RORA: variants seen among roughly 807,000 people sequenced by gnomAD.
RORA encodes RAR related orphan receptor A.
RORA carries 7 observed loss-of-function variants against 69.5 expected under a neutral mutation model. The observed-to-expected ratio is 0.10, with a 90% CI of 0.06 to 0.19. The LOEUF is 0.19. RORA is among the 10% of genes least tolerant of loss of function. The pLI, the probability that RORA is intolerant of heterozygous loss-of-function variation, is 1.00. For synonymous variants in RORA, 261 were observed against 240.8 expected, an observed-to-expected ratio of 1.08 and a Z score of -0.78; for missense variants, 457 against 663.0, an observed-to-expected ratio of 0.69 and a Z score of 3.41.
At chr15:60,523,950 C>CA (rs1275655064) in intron 3 of RORA, among the ~76,000 whole-genome samples, 1 of 152,230 alleles carries the variant, frequency 6.6e-6, no homozygotes, top group Non-Finnish European at 1.5e-5. Context: ...GCCGGGATTA[C>CA]AGGCATGAGC....
intron 1 of RORA, among the ~76,000 whole-genome samples, chr15:61,000,777 T>C (rs1428998152): frequency 6.6e-6 from 1 of 152,132 alleles, no homozygotes; most frequent in Non-Finnish European, 1.5e-5. Context: ...CAGGTGGCCA[T>C]TTCCAGAGGG....
At chr15:60,727,335 C>T (rs914246641) in intron 1 of RORA, among the ~76,000 whole-genome samples, 2 of 152,132 alleles carry the variant, frequency 1.3e-5, no homozygotes, top group African/African-American at 4.8e-5. Context: ...CACTGAATTC[C>T]CAACATACCT....
At chr15:60,658,771 A>T (rs1188498552) in intron 2 of RORA, among the ~76,000 whole-genome samples, 2 of 152,378 alleles carry the variant, frequency 1.3e-5, no homozygotes, top group East Asian at 3.9e-4. Flanking sequence ...TTGGCCACAA[A>T]GACTAAACAG....
chr15:60,746,363 A>C (rs958422568), intron 1 of RORA, among the ~76,000 whole-genome samples: 1 of 152,080 alleles, frequency 6.6e-6, no homozygotes, highest in Admixed American at 6.5e-5. Context: ...AGCTTTTCAG[A>C]TGCTGAACAT....
chr15:61,111,732 T>C (rs1039587723), intron 1 of RORA, among the ~76,000 whole-genome samples: 1 of 152,178 alleles, frequency 6.6e-6, no homozygotes, highest in African/African-American at 2.4e-5. Context: ...TTTTAAAAAC[T>C]AAGGAAAAAG....
At position 61,125,989 on chromosome 15, in the gene RORA, T is replaced by C. The variant is rs144966583; in HGVS notation, c.166+103064A>G. On this transcript the variant is annotated intron_variant, in intron 1 of 10. Transcript: ENST00000335670. Reference sequence around the variant, plus strand: ...TGATACCAATTGACATAAGTATTAATGTTGTGATCTTTTTGAAATCTTGTA... The same window carrying C: ...TGATACCAATTGACATAAGTATTAACGTTGTGATCTTTTTGAAATCTTGTA... Among the ~76,000 whole-genome samples the C allele has an allele frequency of 5.8e-3, 886 of 152,356 alleles. 10 individuals are homozygous for C. The highest frequency in any genetic ancestry group is 0.02 in the African/African-American group (828 of 41,572).
At chr15:60,564,702 G>A (rs2067666555) in intron 2 of RORA, among the ~76,000 whole-genome samples, 1 of 152,118 alleles carries the variant, frequency 6.6e-6, no homozygotes, top group Non-Finnish European at 1.5e-5. Flanking sequence ...CTTTCAACAA[G>A]TTTATCACTC....
intron 1 of RORA, among the ~76,000 whole-genome samples, chr15:60,800,089 C>T (rs1372773302): frequency 2.6e-5 from 4 of 152,236 alleles, no homozygotes; most frequent in Non-Finnish European, 4.4e-5. Context: ...GCCACCCTCA[C>T]GTTGGTTGCC....
At position 61,229,045 on chromosome 15, in the gene RORA, C is replaced by T; in HGVS notation, c.166+8G>A. 1 of 1,502,360 alleles carries T rather than the reference C, an allele frequency of 6.7e-7. No individual in the cohort carries two copies. The highest frequency in any genetic ancestry group is 8.9e-7 in the Non-Finnish European group (1 of 1,123,908). 93.1% of individuals were successfully genotyped at this position (1,502,360 alleles called of 1,614,324 possible). ...CGCCCCCTCCCCAGCCCCTCTCCAG[C>T]CTCCTACCTCTGCTGGTGCTGGAAT... On this transcript the variant is annotated splice_region_variant and intron_variant, in intron 1 of 10. Transcript: ENST00000335670.
intron 1 of RORA, among the ~76,000 whole-genome samples, chr15:61,107,643 A>G (rs1595994319): frequency 6.6e-6 from 1 of 152,102 alleles, no homozygotes; most frequent in East Asian, 1.9e-4. Flanking sequence ...TATGTTAATT[A>G]AAATTTACTT....
In RORA at chr15:60,974,745, C is replaced by T. The variant is rs1407626252; in HGVS notation, c.166+254308G>A. Among the ~76,000 whole-genome samples, 4 of 152,198 alleles carry T rather than the reference C, an allele frequency of 2.6e-5. No homozygotes were observed. In the East Asian group the frequency reaches 7.7e-4, roughly 29 times the overall value. On this transcript the variant is annotated intron_variant, in intron 1 of 10. Transcript: ENST00000335670. ...GCATCATACAACTTAAATGCCAGGG[C>T]CTGGCCTCATCCTAGAACAGCCTCC...
At chr15:60,801,688 A>G (rs1001841353) in intron 1 of RORA, among the ~76,000 whole-genome samples, 5 of 152,226 alleles carry the variant, frequency 3.3e-5, no homozygotes, top group African/African-American at 1.2e-4. Flanking sequence ...GAGGCACGCC[A>G]CGGTGTGGAA....
intron 1 of RORA, among the ~76,000 whole-genome samples, chr15:60,743,496 G>A (rs771755219): frequency 6.6e-6 from 1 of 152,214 alleles, no homozygotes; most frequent in Non-Finnish European, 1.5e-5. Context: ...ACCATCATAA[G>A]AAAACAGTGA....
At chr15:61,214,706 G>A (rs1045185582) in intron 1 of RORA, among the ~76,000 whole-genome samples, 1 of 152,040 alleles carries the variant, frequency 6.6e-6, no homozygotes, top group Non-Finnish European at 1.5e-5. Flanking sequence ...GACTGGAGAT[G>A]GACCAGGTAA....
At chr15:60,542,076 A>C (rs2066890256) in intron 2 of RORA, among the ~76,000 whole-genome samples, 1 of 152,222 alleles carries the variant, frequency 6.6e-6, no homozygotes, top group Non-Finnish European at 1.5e-5. Flanking sequence ...TGACATTATC[A>C]CTGCAATAAG....
chr15:60,502,685 A>G, intron 8 of RORA, 75 bp downstream of exon 8: 1 of 920,532 alleles, frequency 1.1e-6, no homozygotes, highest in Non-Finnish European at 1.8e-6. Flanking sequence ...ATTTTGTCCA[A>G]GCAGAGCTTT....
chr15:60,908,110 C>G (rs1255363807), intron 1 of RORA, among the ~76,000 whole-genome samples: 2 of 152,190 alleles, frequency 1.3e-5, no homozygotes, highest in Non-Finnish European at 2.9e-5. Context: ...ATAGCTCACC[C>G]AGGGCATGAG....
chr15:61,070,273 G>T (rs1029915588), intron 1 of RORA, among the ~76,000 whole-genome samples: 1 of 152,096 alleles, frequency 6.6e-6, no homozygotes, highest in African/African-American at 2.4e-5. Context: ...ACACACACCC[G>T]TATGCCCCCA....
In RORA at chr15:61,128,204, C is replaced by CGTGT. The variant is rs71125904; in HGVS notation, c.166+100845_166+100848dup. On this transcript the variant is annotated intron_variant, in intron 1 of 10. Coordinates refer to ENST00000335670, the MANE Select transcript of RORA (RefSeq NM_134261.3). This position sits in a 1 kb window ranked among gnomAD's most constrained non-coding sequence, Gnocchi z 4.5. ...TAATTGCTGTGTGTGTGTATGCACACGTGTGTGTGTGTGTGTGTGTCTGTG... is the reference window on the plus strand; with the variant it reads ...TAATTGCTGTGTGTGTGTATGCACACGTGTGTGTGTGTGTGTGTGTGTGTCTGTG... Among the ~76,000 whole-genome samples, 142 of 150,108 alleles carry CGTGT rather than the reference C, an allele frequency of 9.5e-4. No homozygotes were observed. Among genetic ancestry groups the CGTGT allele is most frequent in the South Asian group, 2.1e-3 (10 of 4,712 alleles).
Sources: allele counts gnomAD v4.1 joint callset (sites outside exome capture counted in the v4.1 genomes callset), GRCh38; gene constraint gnomAD v4.1.1; non-coding constraint Gnocchi (gnomAD v3.1); transcripts MANE v1.5; gene names NCBI Gene and HGNC (gene_info 2026-07-23, HGNC 2026-07-21).